The following EIF3B variants were observed in gnomAD, a reference collection of about 807,000 sequenced individuals.
EIF3B encodes the protein eukaryotic translation initiation factor 3 subunit 9.
Under a neutral mutation model 104.6 loss-of-function variants are expected in EIF3B, and 10 were observed. The observed-to-expected ratio is 0.10, with a 90% CI of 0.06 to 0.16. EIF3B has a LOEUF of 0.16. Among genes scored for constraint, EIF3B ranks in the 10% least tolerant of loss-of-function variants. The probability of loss-of-function intolerance (pLI) is 1.00; values close to 1 mark genes in which losing one functional copy is unlikely to be tolerated. For missense variants in EIF3B, 1,014 were observed against 1,087.9 expected, an observed-to-expected ratio of 0.93 and a Z score of 0.96; for synonymous variants, 542 against 417.2, an observed-to-expected ratio of 1.30 and a Z score of -3.65.
At chr7:2,369,792 T>A in intron 10 of EIF3B, 110 bp downstream of exon 10, 2 of 561,940 alleles carry the variant, frequency 3.6e-6, no homozygotes, top group Non-Finnish European at 5.5e-6. Context: ...TTTTTTTTTT[T>A]TTTGAGATGG....
chr7:2,369,057 C>T (rs899442152), intron 9 of EIF3B, among the ~76,000 whole-genome samples: 3 of 152,212 alleles, frequency 2.0e-5, no homozygotes, highest in Non-Finnish European at 4.4e-5. Context: ...TCATTCCTTA[C>T]ACTTGATTTG....
At chr7:2,366,196 A>C in intron 6 of EIF3B, 121 bp from the exon 7 acceptor site, 1 of 1,026,958 alleles carries the variant, frequency 9.7e-7, no homozygotes, top group Non-Finnish European at 1.4e-6. Flanking sequence ...GGGGCCGGGC[A>C]GTGTGGGGTT....
At chr7:2,371,355 T>A (rs1406860869) in intron 10 of EIF3B, among the ~76,000 whole-genome samples, 1 of 152,172 alleles carries the variant, frequency 6.6e-6, no homozygotes, top group African/African-American at 2.4e-5. Flanking sequence ...TCCCTCAGAC[T>A]CCTCGAGTAG....
intron 17 of EIF3B, 61 bp downstream of exon 17, chr7:2,379,303 G>A: frequency 1.9e-6 from 3 of 1,561,046 alleles, no homozygotes; most frequent in Non-Finnish European, 2.6e-6. Flanking sequence ...GGGCCCTGGT[G>A]CCCGCGGACT....
chr7:2,360,940 T>G (rs1398990496), intron 2 of EIF3B, 38 bp downstream of exon 2: 8 of 1,524,618 alleles, frequency 5.2e-6, no homozygotes, highest in Non-Finnish European at 7.2e-6. Context: ...CATCTGTGTC[T>G]GGCACGTCAT....
intron 1 of EIF3B, among the ~76,000 whole-genome samples, chr7:2,357,458 C>G (rs574112127): frequency 1.2e-3 from 181 of 152,330 alleles, no homozygotes; most frequent in African/African-American, 4.2e-3. Context: ...TGTATCAGTT[C>G]TTTCCAGAAG....
At position 2,376,866 on chromosome 7, in the gene EIF3B, C is replaced by T. The variant is rs1780658812; in HGVS notation, c.2029-84C>T. 3.2e-6 allele frequency: 5 copies of T among 1,545,924 alleles called. No homozygotes were observed. In the African/African-American group the frequency reaches 4.1e-5, roughly 13 times the overall value. On this transcript the variant is annotated intron_variant, in intron 14 of 18. Coordinates refer to ENST00000360876, the MANE Select transcript of EIF3B (RefSeq NM_001037283.2). ...TTGCTTCACACGTGTCCCCGATACCCAGGACCTTGTTCAGCAAGTGACATA... is the reference window on the plus strand; with the variant it reads ...TTGCTTCACACGTGTCCCCGATACCTAGGACCTTGTTCAGCAAGTGACATA...
In EIF3B at chr7:2,354,973, G is replaced by A. The variant is rs1272815595; in HGVS notation, c.52G>A (p.Glu18Lys). 29 of 1,187,900 alleles carry A rather than the reference G, an allele frequency of 2.4e-5. No individual in the cohort carries two copies. In the East Asian group the frequency reaches 1.1e-3, roughly 45 times the overall value. The allele number at this position is 1,187,900 out of a possible 1,614,324, so 73.6% of individuals were successfully genotyped here. ...AVPEAAEERA[E>K]PGQQQPAAEP... ...GCCCGAGGCGGCCGAGGAGCGCGCC[G>A]AGCCCGGCCAGCAGCAGCCGGCCGC... The change falls in exon 1 of 19, where the codon GAG (glutamate) becomes AAG (lysine). Residue 18 changes from glutamate (E) to lysine (K), a missense_variant. This residue lies in a region of EIF3B where 488 missense variants were observed against 404.3 expected (regional missense o/e 1.21). Transcript: ENST00000360876.
At position 2,375,530 on chromosome 7, in the gene EIF3B, G is replaced by A. The variant is rs1284985952; in HGVS notation, c.2028+3G>A. 3 of 1,614,208 alleles carry A rather than the reference G, an allele frequency of 1.9e-6. No homozygotes were observed. Among genetic ancestry groups the A allele is most frequent in the Non-Finnish European group, 2.5e-6 (3 of 1,180,046 alleles). ...CTGTGTCCTGGTGGAGCCATAAGGT[G>A]CAGGCCTGTGGGGCATAGTTTTGAC... On this transcript the variant is annotated splice_donor_region_variant and intron_variant, in intron 14 of 18. Transcript: ENST00000360876.
At chr7:2,367,490 TAGAGAC>T (rs1257016710) in intron 9 of EIF3B, among the ~76,000 whole-genome samples, 3 of 152,160 alleles carry the variant, frequency 2.0e-5, no homozygotes, top group African/African-American at 7.2e-5. Flanking sequence ...TTGTTGTTGT[TAGAGAC>T]AGAGTCTCGC....
chr7:2,357,176 A>C (rs1162347014), intron 1 of EIF3B, among the ~76,000 whole-genome samples: 1 of 152,216 alleles, frequency 6.6e-6, no homozygotes, highest in African/African-American at 2.4e-5. Flanking sequence ...ACAGATTTCT[A>C]ATACGTAGAT....
intron 10 of EIF3B, among the ~76,000 whole-genome samples, chr7:2,370,802 A>G (rs113155730): frequency 0.016 from 2,475 of 151,540 alleles, 71 homozygotes; most frequent in African/African-American, 0.056. Context: ...AAGGCCGGGC[A>G]CGGTGGCTCA....
In EIF3B at chr7:2,376,991, C is replaced by T. The variant is rs1399610261; in HGVS notation, c.2070C>T (p.Leu690=). ...GGCTGTGGACTTTCCAGGGACGCCTCCTGCAGAAGAACAACAAGGACCGCT... is the reference window on the plus strand; with the variant it reads ...GGCTGTGGACTTTCCAGGGACGCCTTCTGCAGAAGAACAACAAGGACCGCT... ...AYWLWTFQGR[L]LQKNNKDRFC... Residue 690 remains leucine, a synonymous_variant, in exon 15 of 19, where the codon CTC becomes CTT. Transcript: ENST00000360876. The T allele has an allele frequency of 1.2e-6, 2 of 1,613,842 alleles. No homozygotes were observed. Among genetic ancestry groups the T allele is most frequent in the African/African-American group, 2.7e-5 (2 of 74,936 alleles).
In EIF3B at chr7:2,355,393, G is replaced by A. The variant is rs767015309; in HGVS notation, c.472G>A (p.Asp158Asn). ...CGAGCCCTCCTTCAGCGACCCCGAGGACTTCGTGGACGACGTGAGCGAGGA... is the reference window on the plus strand; with the variant it reads ...CGAGCCCTCCTTCAGCGACCCCGAGAACTTCGTGGACGACGTGAGCGAGGA... ...ADEPSFSDPE[D>N]FVDDVSEEEL... Residue 158 changes from aspartate (D) to asparagine (N), a missense_variant, in exon 1 of 19, where the codon GAC becomes AAC. Around this residue, in one of 4 missense-constraint regions of EIF3B, gnomAD observed 488 missense variants for 404.3 expected, o/e 1.21. Transcript: ENST00000360876. The A allele has an allele frequency of 2.1e-5, 32 of 1,493,686 alleles. No individual in the cohort carries two copies. Among genetic ancestry groups the A allele is most frequent in the Non-Finnish European group, 2.8e-5 (31 of 1,123,694 alleles). 92.5% of individuals were successfully genotyped at this position (1,493,686 alleles called of 1,614,324 possible).
chr7:2,367,210 A>T, intron 9 of EIF3B, 165 bp downstream of exon 9: 1 of 637,210 alleles, frequency 1.6e-6, no homozygotes, highest in Admixed American at 3.1e-5. Context: ...GTGCCTGCAG[A>T]CTGTCTGGTG....
chr7:2,356,613 A>G (rs1220246417), intron 1 of EIF3B, among the ~76,000 whole-genome samples: 3 of 150,652 alleles, frequency 2.0e-5, no homozygotes, highest in Admixed American at 1.3e-4. Context: ...AAAAAAAAAA[A>G]AAAAAGAAAA....
intron 9 of EIF3B, 131 bp from the exon 10 acceptor site, chr7:2,369,341 A>G (rs1780194694): frequency 1.1e-6 from 1 of 949,474 alleles, no homozygotes; most frequent in Admixed American, 2.0e-5. Flanking sequence ...GGCTGTGCAG[A>G]GGGAGCGCTC....
intron 5 of EIF3B, 193 bp from the exon 6 acceptor site, chr7:2,364,179 A>G (rs532172839): frequency 1.5e-5 from 8 of 541,348 alleles, no homozygotes; most frequent in African/African-American, 9.8e-5. Flanking sequence ...GGAGAATGGC[A>G]TGAACCTGGG....
chr7:2,354,788 CG>C (rs1192933753), upstream of EIF3B: 9 of 905,734 alleles, frequency 9.9e-6, no homozygotes, highest in Non-Finnish European at 1.1e-5. Context: ...GTGCGCCCCC[CG>C]CCCCGCGGCC....
Sources: gnomAD v4.1 joint callset for allele counts (sites outside exome capture counted in the v4.1 genomes callset) on GRCh38, gnomAD v4.1.1 for gene constraint, gnomAD v4.1.1 regional missense constraint, MANE v1.5 for transcripts, NCBI Gene and HGNC (gene_info 2026-07-23, HGNC 2026-07-21) for gene names.